The following PIK3C2A variants were observed in gnomAD, a reference collection of about 807,000 sequenced individuals.
The protein encoded by PIK3C2A is phosphatidylinositol-4-phosphate 3-kinase catalytic subunit type 2 alpha.
Under a neutral mutation model 204.5 loss-of-function variants are expected in PIK3C2A, and 97 were observed. The observed-to-expected ratio is 0.47, with a 90% CI of 0.40 to 0.56. The LOEUF (loss-of-function observed/expected upper bound fraction) is 0.56, where lower values mean the gene tolerates loss of function less well. Among genes scored for constraint, PIK3C2A ranks in the 20% least tolerant of loss-of-function variants. The probability of loss-of-function intolerance (pLI) is 0.00; values close to 1 mark genes in which losing one functional copy is unlikely to be tolerated. For missense variants in PIK3C2A, 1,735 were observed against 1,969.2 expected (o/e 0.88, Z 2.25); for synonymous variants, 653 against 664.4 (o/e 0.98, Z 0.26).
intron 13 of PIK3C2A, among the ~76,000 whole-genome samples, chr11:17,124,554 T>A (rs1041912490): frequency 6.6e-6 from 1 of 152,050 alleles, no homozygotes. Context: ...ATCTTTTAAT[T>A]CAGGGTCAGC....
intron 1 of PIK3C2A, among the ~76,000 whole-genome samples, chr11:17,196,845 CAGGCGTGAG>C (rs537465711): frequency 2.0e-5 from 3 of 152,072 alleles, no homozygotes; most frequent in Admixed American, 2.0e-4. Flanking sequence ...GCTGGGATTA[CAGGCGTGAG>C]AGGCGTGAGC....
In PIK3C2A at chr11:17,102,829, A is replaced by C; in HGVS notation, c.3684T>G (p.Ala1228=). ...CACAGGAATAGATAAAGTTCTCTGAAGCCTATAAAAAACATACACAATTAT... is the reference window on the plus strand; with the variant it reads ...CACAGGAATAGATAAAGTTCTCTGACGCCTATAAAAAACATACACAATTAT... ...YNPSEEEYEK[A]SENFIYSCAG... The change falls in exon 24 of 33, where the codon GCT becomes GCG. Residue 1228 remains alanine, a splice_region_variant and synonymous_variant. Transcript: ENST00000691414. 6.3e-7 allele frequency: 1 copy of C among 1,576,756 alleles called. No individual in the cohort carries two copies. The highest frequency in any genetic ancestry group is 8.6e-7 in the Non-Finnish European group (1 of 1,160,986).
At position 17,169,814 on chromosome 11, in the gene PIK3C2A, T is replaced by C. The variant is rs1851101570; in HGVS notation, c.-65-8A>G. 1 of 958,924 alleles carries C rather than the reference T, an allele frequency of 1.0e-6. No individual in the cohort carries two copies. The highest frequency in any genetic ancestry group is 1.6e-5 in the African/African-American group (1 of 61,250). 59.4% of individuals were successfully genotyped at this position (958,924 alleles called of 1,614,324 possible). Reference sequence around the variant, plus strand: ...CTTCCAAAATAGCAAGGCCTATACATAAAAATAAACATAACACTCAATTAG... The same window carrying C: ...CTTCCAAAATAGCAAGGCCTATACACAAAAATAAACATAACACTCAATTAG... On this transcript the variant is annotated splice_region_variant and splice_polypyrimidine_tract_variant and intron_variant, in intron 1 of 32. Transcript: ENST00000691414.
At chr11:17,129,491 T>G in intron 12 of PIK3C2A, 24 bp from the exon 13 acceptor site, 1 of 1,425,894 alleles carries the variant, frequency 7.0e-7, no homozygotes, top group African/African-American at 1.4e-5. Flanking sequence ...AATGTATTAA[T>G]AGAACAAATT....
intron 1 of PIK3C2A, among the ~76,000 whole-genome samples, chr11:17,184,945 ATTT>A (rs931220131): frequency 6.7e-6 from 1 of 149,362 alleles, no homozygotes; most frequent in African/African-American, 2.5e-5. Context: ...TCTAAAAAAG[ATTT>A]TTTTTTTTAA....
chr11:17,141,127 T>C (rs1850049862), intron 8 of PIK3C2A, among the ~76,000 whole-genome samples: 1 of 152,150 alleles, frequency 6.6e-6, no homozygotes, highest in Non-Finnish European at 1.5e-5. Flanking sequence ...GGGCTTTGAA[T>C]TTTACTAAGT....
At chr11:17,195,822 G>A (rs995436764) in intron 1 of PIK3C2A, among the ~76,000 whole-genome samples, 2 of 151,304 alleles carry the variant, frequency 1.3e-5, no homozygotes, top group African/African-American at 4.9e-5. Context: ...GGTGGATCAC[G>A]AGGTCAGGGG....
At chr11:17,138,062 T>C in intron 8 of PIK3C2A, 1 of 664,486 alleles carries the variant, frequency 1.5e-6, no homozygotes. Context: ...TGCTTGATCC[T>C]GTCACTAACA....
chr11:17,117,611 A>G lies in PIK3C2A; in HGVS notation c.3096T>C (p.Gly1032=). The change falls in exon 19 of 33, where the codon GGT becomes GGC. Residue 1032 remains glycine, a synonymous_variant. Coordinates refer to ENST00000691414, the MANE Select transcript of PIK3C2A (RefSeq NM_002645.4). ...GTTTTCCTCCTACTGACAGGAGAGCACCCAAAACATGTTCGTATCGGGTAC... is the reference window on the plus strand; with the variant it reads ...GTTTTCCTCCTACTGACAGGAGAGCGCCCAAAACATGTTCGTATCGGGTAC... ...QFSTRYEHVL[G]ALLSVGGKRL... is the part of the protein sequence containing the mutation. 1.2e-6 allele frequency: 2 copies of G among 1,612,740 alleles called. No individual in the cohort carries two copies. Among genetic ancestry groups the G allele is most frequent in the Middle Eastern group, 1.6e-4 (1 of 6,062 alleles).
At chr11:17,114,229 A>G in intron 20 of PIK3C2A, 132 bp downstream of exon 20, 1 of 509,214 alleles carries the variant, frequency 2.0e-6, no homozygotes, top group Non-Finnish European at 3.6e-6. Context: ...TATGGATCCT[A>G]ATCACAACCA....
intron 13 of PIK3C2A, among the ~76,000 whole-genome samples, chr11:17,126,763 A>C (rs545535528): frequency 1.6e-4 from 24 of 152,358 alleles, no homozygotes; most frequent in Non-Finnish European, 2.8e-4. Context: ...CTATTTTAAC[A>C]GCAGAGTGTT....
At chr11:17,164,012 A>C (rs1850867944) in intron 2 of PIK3C2A, among the ~76,000 whole-genome samples, 1 of 152,176 alleles carries the variant, frequency 6.6e-6, no homozygotes, top group South Asian at 2.1e-4. Context: ...TTCATAGATA[A>C]AGAAACTCAG....
chr11:17,154,886 T>C (rs1401476265), intron 3 of PIK3C2A, among the ~76,000 whole-genome samples: 2 of 152,186 alleles, frequency 1.3e-5, no homozygotes, highest in East Asian at 1.9e-4. Context: ...AAGTTCAAGA[T>C]GGGTTTCTAG....
At chr11:17,124,678 T>C (rs951879428) in intron 13 of PIK3C2A, among the ~76,000 whole-genome samples, 5 of 152,248 alleles carry the variant, frequency 3.3e-5, no homozygotes, top group Non-Finnish European at 7.3e-5. Context: ...CATTTGTTAA[T>C]GTACTGTCTA....
chr11:17,164,137 A>G (rs1367124507), intron 2 of PIK3C2A, among the ~76,000 whole-genome samples: 2 of 152,098 alleles, frequency 1.3e-5, no homozygotes, highest in African/African-American at 4.8e-5. Flanking sequence ...TTTTCAAGAC[A>G]TACTCTAGGC....
intron 8 of PIK3C2A, among the ~76,000 whole-genome samples, chr11:17,144,965 C>T (rs1565272302): frequency 6.8e-6 from 1 of 147,400 alleles, no homozygotes; most frequent in African/African-American, 2.5e-5. Context: ...TTTGGACTTG[C>T]ATGGGGCCTG....
chr11:17,112,402 G>A (rs1325452374), intron 21 of PIK3C2A, among the ~76,000 whole-genome samples, 172 bp downstream of exon 21: 3 of 152,078 alleles, frequency 2.0e-5, no homozygotes, highest in African/African-American at 4.8e-5. Context: ...GCAGTAAGCC[G>A]AGATGGTGCC....
intron 5 of PIK3C2A, 76 bp from the exon 6 acceptor site, chr11:17,147,704 A>G: frequency 1.4e-6 from 1 of 718,384 alleles, no homozygotes; most frequent in Non-Finnish European, 2.4e-6. Context: ...TTTAAATTGC[A>G]CCTGCATCAG....
In PIK3C2A at chr11:17,087,337, C is replaced by T. The variant is rs1014068945; in HGVS notation, c.*2401G>A. On this transcript the variant is annotated 3_prime_UTR_variant, in exon 33 of 33. Transcript: ENST00000691414. ...AGAGGCTCCACTCTACTTTTTGGTA[C>T]GGGCTGAAGATTAGCATTTCATAAA... is the stretch of plus-strand genomic sequence containing the variant. 6.6e-6 allele frequency: 1 copy of T among 151,932 alleles called. No individual in the cohort carries two copies. The highest frequency in any genetic ancestry group is 1.5e-5 in the Non-Finnish European group (1 of 67,980). The allele number at this position is 151,932 out of a possible 1,614,324, so 9.4% of individuals were successfully genotyped here. A position where few individuals can be genotyped will look rare whatever the true frequency, so the allele number is the denominator to read the frequency against.
Sources: gnomAD v4.1 joint callset for allele counts (sites outside exome capture counted in the v4.1 genomes callset) on GRCh38, gnomAD v4.1.1 for gene constraint, MANE v1.5 for transcripts, NCBI Gene and HGNC (gene_info 2026-07-23, HGNC 2026-07-21) for gene names.